PRMT3: variants seen among roughly 807,000 people sequenced by gnomAD.
The protein encoded by PRMT3 is protein arginine N-methyltransferase 3.
In PRMT3, 62 loss-of-function variants were observed where a neutral mutation model predicts 71.9. That is an observed-to-expected ratio of 0.86 (90% CI 0.70 to 1.07). PRMT3 has a LOEUF of 1.07. PRMT3 is among the 50% of genes least tolerant of loss of function. The pLI is 0.00. For synonymous variants in PRMT3, 213 were observed against 220.4 expected, an observed-to-expected ratio of 0.97 and a Z score of 0.30; for missense variants, 663 against 643.0, an observed-to-expected ratio of 1.03 and a Z score of -0.34.
chr11:20,409,723 CAT>C (rs1849155171), intron 9 of PRMT3, among the ~76,000 whole-genome samples: 1 of 150,454 alleles, frequency 6.6e-6, no homozygotes, highest in African/African-American at 2.4e-5. Flanking sequence ...ATTACACATA[CAT>C]ATATATAGAT....
At chr11:20,488,462 T>C (rs996609014) in intron 13 of PRMT3, among the ~76,000 whole-genome samples, 30 of 152,190 alleles carry the variant, frequency 2.0e-4, no homozygotes, top group African/African-American at 6.8e-4. Context: ...GAAAAATGAA[T>C]TGTATTTTTG....
chr11:20,453,521 A>C (rs908733562), intron 11 of PRMT3, among the ~76,000 whole-genome samples: 1 of 151,702 alleles, frequency 6.6e-6, no homozygotes, highest in African/African-American at 2.4e-5. Flanking sequence ...ACATAAATAC[A>C]GAGAAAATTC....
intron 13 of PRMT3, among the ~76,000 whole-genome samples, chr11:20,482,280 T>TTA (rs1850955737): frequency 6.8e-6 from 1 of 146,072 alleles, no homozygotes; most frequent in African/African-American, 2.8e-5. Context: ...GTGAGTGATA[T>TTA]TATAAAAGGA....
chr11:20,389,097 A>G (rs1848658380), intron 2 of PRMT3, among the ~76,000 whole-genome samples: 1 of 152,210 alleles, frequency 6.6e-6, no homozygotes. Flanking sequence ...CTCGGTAAAC[A>G]TTTGTGGAAA....
At chr11:20,452,248 C>T (rs985172292) in intron 11 of PRMT3, 40 bp downstream of exon 11, 3 of 1,458,830 alleles carry the variant, frequency 2.1e-6, no homozygotes, top group African/African-American at 1.4e-5. Flanking sequence ...TAATTTTAGT[C>T]TAGCAGAACC....
intron 15 of PRMT3, among the ~76,000 whole-genome samples, chr11:20,498,173 A>G (rs145428859): frequency 3.4e-4 from 52 of 152,352 alleles, no homozygotes; most frequent in Admixed American, 7.8e-4. Context: ...ACATATCCAC[A>G]GTAGCTTATG....
rs533351254 is a variant in PRMT3 at position 20,432,281 on chromosome 11, A to G, written c.993+5416A>G. Among the ~76,000 whole-genome samples the G allele has an allele frequency of 3.3e-5, 5 of 152,266 alleles. No individual in the cohort carries two copies. In the East Asian group the frequency reaches 7.7e-4, roughly 23 times the overall value. On this transcript the variant is annotated intron_variant, in intron 10 of 15. Transcript: ENST00000331079. ...TTTTTATTTTAAACTCTAAAATTGT[A>G]TAACAACTTAAAAATATTTTATCAG...
intron 9 of PRMT3, among the ~76,000 whole-genome samples, chr11:20,417,380 A>G (rs901018530): frequency 6.6e-5 from 10 of 152,152 alleles, no homozygotes; most frequent in Admixed American, 6.6e-4. Context: ...CTTCTCCCCC[A>G]TAAGCTATCA....
At chr11:20,439,426 T>A (rs1849835489) in intron 10 of PRMT3, among the ~76,000 whole-genome samples, 2 of 152,216 alleles carry the variant, frequency 1.3e-5, no homozygotes, top group Non-Finnish European at 2.9e-5. Flanking sequence ...CCAGCGTTTC[T>A]GTTACTCCAC....
rs1851158233 is a variant in PRMT3, at chr11:20,489,520, A to T, written c.1348-4399A>T. 4.6e-5 allele frequency among the ~76,000 whole-genome samples: 7 copies of T among 152,308 alleles called. No individual in the cohort carries two copies. In the South Asian group the frequency reaches 1.5e-3, roughly 32 times the overall value. On this transcript the variant is annotated intron_variant, in intron 13 of 15. Coordinates refer to ENST00000331079, the MANE Select transcript of PRMT3 (RefSeq NM_005788.4). ...TTATATTTGAATGACTTCCACAGAG[A>T]TAATGTATATTCATTGAAATTAACA...
At chr11:20,445,139 A>G (rs1243990656) in intron 10 of PRMT3, among the ~76,000 whole-genome samples, 3 of 151,802 alleles carry the variant, frequency 2.0e-5, no homozygotes, top group Non-Finnish European at 4.4e-5. Flanking sequence ...CCTTTTCTAA[A>G]CCTCTCTTAC....
At chr11:20,484,815 T>G (rs1040562203) in intron 13 of PRMT3, among the ~76,000 whole-genome samples, 18 of 152,284 alleles carry the variant, frequency 1.2e-4, no homozygotes, top group Middle Eastern at 3.4e-3. Context: ...GAAACCCTTT[T>G]GCCGAAAACA....
intron 7 of PRMT3, among the ~76,000 whole-genome samples, chr11:20,398,659 T>G (rs1750781297): frequency 6.6e-6 from 1 of 152,208 alleles, no homozygotes; most frequent in Non-Finnish European, 1.5e-5. Flanking sequence ...TTCACCGTAA[T>G]GCCATATTTT....
chr11:20,452,183 C>T lies in PRMT3; in HGVS notation c.1047C>T (p.Asn349=). ...TAGATTCTGTCCTTTATGCAAAGAA[C>T]AAATACTTGGCAAAAGGAGGCTCGG... ...SMLDSVLYAK[N]KYLAKGGSVY... Residue 349 remains asparagine (N), a synonymous_variant, in exon 11 of 16, where the codon AAC becomes AAT. Coordinates refer to ENST00000331079, the MANE Select transcript of PRMT3 (RefSeq NM_005788.4). 5 of 1,610,004 alleles carry T rather than the reference C, an allele frequency of 3.1e-6. No homozygotes were observed. Among genetic ancestry groups the T allele is most frequent in the Non-Finnish European group, 4.2e-6 (5 of 1,176,802 alleles).
chr11:20,502,482 A>G (rs544241276), intron 15 of PRMT3, among the ~76,000 whole-genome samples: 8 of 152,366 alleles, frequency 5.3e-5, no homozygotes, highest in Admixed American at 1.3e-4. Context: ...GCTTATATAT[A>G]TGACATTATG....
chr11:20,412,407 C>T (rs529320080), intron 9 of PRMT3, among the ~76,000 whole-genome samples: 3 of 143,980 alleles, frequency 2.1e-5, no homozygotes, highest in Non-Finnish European at 3.1e-5. Context: ...ACCCCCCCCC[C>T]ACCTTTGTTT....
intron 4 of PRMT3, 112 bp downstream of exon 4, chr11:20,392,372 C>A: frequency 1.7e-6 from 2 of 1,157,788 alleles, no homozygotes; most frequent in Non-Finnish European, 2.4e-6. Context: ...AAATTTGGTA[C>A]TCATCATATT....
rs1850234537 is a variant in PRMT3 at position 20,454,929 on chromosome 11, T to C, written c.1072+2721T>C. Among the ~76,000 whole-genome samples the C allele has an allele frequency of 5.3e-5, 8 of 152,242 alleles. No individual in the cohort carries two copies. In the South Asian group the frequency reaches 1.5e-3, roughly 28 times the overall value. On this transcript the variant is annotated intron_variant, in intron 11 of 15. Transcript: ENST00000331079. ...GGATGTTCATCTACCCCATTATCAA[T>C]CAAGCAATTCCACTGTGTTTTAGAG...
intron 15 of PRMT3, among the ~76,000 whole-genome samples, chr11:20,507,789 T>G (rs1851627429): frequency 2.5e-5 from 1 of 39,436 alleles, no homozygotes; most frequent in Non-Finnish European, 1.3e-4. Context: ...AAAAAAAAAT[T>G]AATGAAACAT....
Sources: allele counts gnomAD v4.1 joint callset (sites outside exome capture counted in the v4.1 genomes callset), GRCh38; gene constraint gnomAD v4.1.1; transcripts MANE v1.5; gene names NCBI Gene and HGNC (gene_info 2026-07-23, HGNC 2026-07-21).